The following VPS13B variants were observed in gnomAD, a reference collection of about 807,000 sequenced individuals.
VPS13B encodes the protein intermembrane lipid transfer protein VPS13B.
In VPS13B, 285 loss-of-function variants were observed where a neutral mutation model predicts 426.4. That is an observed-to-expected ratio of 0.67 (90% CI 0.61 to 0.74). VPS13B has a LOEUF of 0.74. Ranked by LOEUF, VPS13B falls within the 30% of genes least tolerant of loss-of-function variation. The probability of loss-of-function intolerance (pLI) is 0.00; values close to 1 mark genes in which losing one functional copy is unlikely to be tolerated. For synonymous variants in VPS13B, 1,676 were observed against 1,676.4 expected, an observed-to-expected ratio of 1.00 and a Z score of 0.01; for missense variants, 4,537 against 4,782.6, an observed-to-expected ratio of 0.95 and a Z score of 1.51.
intron 34 of VPS13B, among the ~76,000 whole-genome samples, chr8:99,659,836 A>G (rs558774834): frequency 6.6e-6 from 1 of 152,296 alleles, no homozygotes; most frequent in East Asian, 1.9e-4. Flanking sequence ...TTCAAAATGA[A>G]GAGTTATGTC....
In VPS13B at chr8:99,511,471, T is replaced by C; in HGVS notation, c.4592T>C (p.Ile1531Thr). The C allele has an allele frequency of 6.2e-7, 1 of 1,612,594 alleles. No individual in the cohort carries two copies. Among genetic ancestry groups the C allele is most frequent in the South Asian group, 1.1e-5 (1 of 90,378 alleles). Reference protein sequence around the residue: ...LIYVNTSVIRIFIPKTEEMQP... With the variant: ...LIYVNTSVIRTFIPKTEEMQP... Reference sequence around the variant, plus strand: ...TATGTCAACACAAGTGTAATCAGAATTTTTATTCCAAAAACAGAAGAAATG... The same window carrying C: ...TATGTCAACACAAGTGTAATCAGAACTTTTATTCCAAAAACAGAAGAAATG... Residue 1531 changes from isoleucine to threonine, a missense_variant, in exon 29 of 62, where the codon ATT becomes ACT. Physicochemically the swap from Ile to Thr is moderately conservative, Grantham distance 89. Coordinates refer to ENST00000357162, the MANE Select transcript of VPS13B (RefSeq NM_152564.5).
At chr8:99,342,175 T>C (rs1811285928) in intron 19 of VPS13B, among the ~76,000 whole-genome samples, 1 of 152,254 alleles carries the variant, frequency 6.6e-6, no homozygotes, top group South Asian at 2.1e-4. Context: ...TTGATATTTG[T>C]ATACAATGTG....
Position 99,840,932 on chromosome 8 carries a change from C to T in VPS13B, c.9942+5194C>T, listed in dbSNP as rs930264657. On this transcript the variant is annotated intron_variant, in intron 54 of 61. Transcript: ENST00000357162. ...ACTTCTTGCTTACTTCGCTCACCTT[C>T]CCAGTACTCCAGGGCACAGTCGAAC... is the stretch of plus-strand genomic sequence containing the variant. Among the ~76,000 whole-genome samples, 41 of 152,204 alleles carry T rather than the reference C, an allele frequency of 2.7e-4. 1 individual carries two copies. The highest frequency in any genetic ancestry group is 1.3e-4 in the Admixed American group (2 of 15,280).
At chr8:99,559,479 C>T (rs1824775094) in intron 31 of VPS13B, among the ~76,000 whole-genome samples, 1 of 152,142 alleles carries the variant, frequency 6.6e-6, no homozygotes, top group Non-Finnish European at 1.5e-5. Context: ...GAAGTCCTTG[C>T]CCATGCCTGT....
chr8:99,109,926 A>G (rs1051325529), intron 5 of VPS13B, among the ~76,000 whole-genome samples: 1 of 152,162 alleles, frequency 6.6e-6, no homozygotes, highest in African/African-American at 2.4e-5. Context: ...TATCATAAAG[A>G]GAGGGAAGGA....
At chr8:99,372,795 C>T (rs1813264319) in intron 19 of VPS13B, among the ~76,000 whole-genome samples, 1 of 152,208 alleles carries the variant, frequency 6.6e-6, no homozygotes, top group Non-Finnish European at 1.5e-5. Context: ...ACCATTTGAC[C>T]TAGCAATCCC....
At position 99,835,528 on chromosome 8, in the gene VPS13B, T is replaced by A. The variant is rs763614639; in HGVS notation, c.9743-11T>A. On this transcript the variant is annotated splice_polypyrimidine_tract_variant and intron_variant, in intron 53 of 61. Transcript: ENST00000357162. ...GGGCTAATTCTGCATATGCCTTTTT[T>A]AAAATTTCAGATATTCCAAAGTTTG... is the stretch of plus-strand genomic sequence containing the variant. 6.2e-7 allele frequency: 1 copy of A among 1,613,876 alleles called. No individual in the cohort carries two copies. Among genetic ancestry groups the A allele is most frequent in the Non-Finnish European group, 8.5e-7 (1 of 1,179,844 alleles).
At chr8:99,646,715 C>G (rs1829591731) in intron 34 of VPS13B, among the ~76,000 whole-genome samples, 1 of 152,074 alleles carries the variant, frequency 6.6e-6, no homozygotes, top group African/African-American at 2.4e-5. Context: ...GGGGCAGATT[C>G]CTCATGAATG....
At chr8:99,825,952 A>G (rs142575405) in intron 51 of VPS13B, among the ~76,000 whole-genome samples, 2 of 152,116 alleles carry the variant, frequency 1.3e-5, no homozygotes, top group African/African-American at 4.8e-5. Context: ...TACCAGTGTC[A>G]TGCTGTTTTG....
At chr8:99,692,792 C>T (rs908566465) in intron 35 of VPS13B, among the ~76,000 whole-genome samples, 16 of 147,244 alleles carry the variant, frequency 1.1e-4, no homozygotes, top group South Asian at 4.3e-4. Flanking sequence ...ATTGATAGAC[C>T]GCTAGCAAGA....
At chr8:99,712,881 A>T (rs904454189) in intron 36 of VPS13B, among the ~76,000 whole-genome samples, 111 of 152,180 alleles carry the variant, frequency 7.3e-4, no homozygotes, top group African/African-American at 2.6e-3. Context: ...CAATAAAGTC[A>T]ATAAGAACTT....
intron 3 of VPS13B, among the ~76,000 whole-genome samples, chr8:99,074,004 C>G (rs1274893645): frequency 1.3e-5 from 2 of 152,170 alleles, no homozygotes; most frequent in South Asian, 4.1e-4. Context: ...CTACTGGGCT[C>G]AAGTCCTCCC....
At chr8:99,757,317 GC>G (rs1207351988) in intron 39 of VPS13B, among the ~76,000 whole-genome samples, 1 of 152,124 alleles carries the variant, frequency 6.6e-6, no homozygotes, top group Admixed American at 6.5e-5. Flanking sequence ...TCATAGTTGA[GC>G]AGACCTGATA....
In VPS13B at chr8:99,635,387, C is replaced by T. The variant is rs190211704; in HGVS notation, c.5221-6424C>T. ...CATAATTGGCAAAATATATTTTGAT[C>T]AAGGAAAAGGTATGACTGTTGCCTG... On this transcript the variant is annotated intron_variant, in intron 33 of 61. Coordinates refer to ENST00000357162, the MANE Select transcript of VPS13B (RefSeq NM_152564.5). Among the ~76,000 whole-genome samples, 947 of 151,768 alleles carry T rather than the reference C, an allele frequency of 6.2e-3. 8 individuals are homozygous for T. Among genetic ancestry groups the T allele is most frequent in the African/African-American group, 0.021 (890 of 41,432 alleles).
At chr8:99,421,813 G>A (rs1816391805) in intron 21 of VPS13B, among the ~76,000 whole-genome samples, 1 of 152,004 alleles carries the variant, frequency 6.6e-6, no homozygotes, top group African/African-American at 2.4e-5. Context: ...GAGCAACTGG[G>A]ACTACAGGCA....
At chr8:99,779,091 T>C in intron 42 of VPS13B, 60 bp downstream of exon 42, 9 of 1,438,794 alleles carry the variant, frequency 6.3e-6, no homozygotes, top group East Asian at 2.3e-5. Context: ...TTAGGTTCTG[T>C]ATGCTATCAC....
intron 39 of VPS13B, among the ~76,000 whole-genome samples, chr8:99,735,880 G>A (rs1348115350): frequency 6.6e-6 from 1 of 152,172 alleles, no homozygotes; most frequent in African/African-American, 2.4e-5. Flanking sequence ...ACAACTTCCA[G>A]ATCACCACTG....
chr8:99,078,218 T>C (rs1254294229), intron 3 of VPS13B, among the ~76,000 whole-genome samples: 2 of 151,918 alleles, frequency 1.3e-5, no homozygotes, highest in Non-Finnish European at 2.9e-5. Flanking sequence ...GTGTCATGTT[T>C]CCTTGCTTTT....
At chr8:99,056,049 A>G (rs1212284783) in intron 3 of VPS13B, among the ~76,000 whole-genome samples, 1 of 150,146 alleles carries the variant, frequency 6.7e-6, no homozygotes, top group Non-Finnish European at 1.5e-5. Context: ...CTGTGAGTTG[A>G]TCTTTTTTGT....
Sources: allele counts gnomAD v4.1 joint callset (sites outside exome capture counted in the v4.1 genomes callset), GRCh38; gene constraint gnomAD v4.1.1; transcripts MANE v1.5; gene names NCBI Gene and HGNC (gene_info 2026-07-23, HGNC 2026-07-21).